OR56A3: variants seen among roughly 807,000 people sequenced by gnomAD.
OR56A3 encodes the protein olfactory receptor family 56 subfamily A member 3.
OR56A3 carries 23 observed loss-of-function variants against 17.5 expected under a neutral mutation model. The ratio of observed to expected loss-of-function variants is 1.32; its 90% CI spans 0.95 to 1.87. OR56A3 has a LOEUF of 1.87. Ranked by LOEUF, OR56A3 falls within the 40% of genes most tolerant of loss-of-function variation. OR56A3 has a pLI of 0.00. For synonymous variants in OR56A3, 175 were observed against 150.6 expected (o/e 1.16, Z -1.19); for missense variants, 366 against 380.1 (o/e 0.96, Z 0.31).
Position 5,947,974 on chromosome 11 carries a change from C to G in OR56A3, c.628C>G (p.Leu210Val), listed in dbSNP as rs1847883310. 1.2e-6 allele frequency: 2 copies of G among 1,614,218 alleles called. No homozygotes were observed. The highest frequency in any genetic ancestry group is 1.1e-5 in the South Asian group (1 of 91,088). The change falls in exon 3 of 3, where the codon CTG becomes GTG. Residue 210 changes from leucine (L) to valine (V), a missense_variant. Transcript: ENST00000641160. ...HLYQFAGGWT[L>V]LGSDLILIFL... ...TTACCAATTTGCTGGAGGCTGGACT[C>G]TGCTAGGATCTGACCTCATCCTTAT...
chr11:5,987,982 G>A, the OR56A3 span, among the ~76,000 whole-genome samples: 1 of 152,112 alleles, frequency 6.6e-6, no homozygotes, highest in African/African-American at 2.4e-5. Context: ...CATACTTTGA[G>A]ACTGGCATAA....
the OR56A3 span, chr11:6,021,075 C>T: frequency 6.6e-6 from 1 of 151,862 alleles, no homozygotes; most frequent in Non-Finnish European, 1.5e-5. Flanking sequence ...AAAAGAGTGG[C>T]ATGGAGAAAG....
the OR56A3 span, among the ~76,000 whole-genome samples, chr11:5,989,691 G>T: frequency 4.6e-5 from 7 of 152,270 alleles, no homozygotes; most frequent in South Asian, 1.5e-3. Context: ...ACACTATTCA[G>T]ATAATAGGTA....
chr11:6,015,215 G>A, the OR56A3 span, among the ~76,000 whole-genome samples: 15 of 152,138 alleles, frequency 9.9e-5, no homozygotes, highest in African/African-American at 3.1e-4. Flanking sequence ...AGGCATTTCA[G>A]AGACCTTCAC....
At chr11:5,967,630 C>G in the OR56A3 span, 1 of 1,613,870 alleles carries the variant, frequency 6.2e-7, no homozygotes, top group Non-Finnish European at 8.5e-7. Flanking sequence ...GGGTTCAGAG[C>G]TGGGGGAATA....
chr11:5,980,236 T>A, the OR56A3 span, among the ~76,000 whole-genome samples: 1 of 152,150 alleles, frequency 6.6e-6, no homozygotes, highest in African/African-American at 2.4e-5. Flanking sequence ...ATCCTGAAGA[T>A]CTTTGCTAGT....
the OR56A3 span, chr11:6,002,992 T>C: frequency 6.2e-6 from 10 of 1,614,154 alleles, no homozygotes; most frequent in Non-Finnish European, 7.6e-6. Context: ...GGAGATGCCA[T>C]GTAAAGTTTC....
At chr11:5,994,134 C>T in the OR56A3 span, 1 of 499,972 alleles carries the variant, frequency 2.0e-6, no homozygotes, top group Non-Finnish European at 3.9e-6. Context: ...GCTCCGACTC[C>T]AGGTGCAGCA....
At chr11:6,000,613 TA>T in the OR56A3 span, 5 of 151,504 alleles carry the variant, frequency 3.3e-5, no homozygotes, top group African/African-American at 4.9e-5. Flanking sequence ...TAAAACATAA[TA>T]AAAAAATAAA....
the OR56A3 span, among the ~76,000 whole-genome samples, chr11:5,980,744 C>G: frequency 6.6e-6 from 1 of 152,072 alleles, no homozygotes; most frequent in East Asian, 1.9e-4. Flanking sequence ...GTTATGTAGA[C>G]TTGATTGTGT....
chr11:6,001,895 A>G, the OR56A3 span: 1 of 646,158 alleles, frequency 1.5e-6, no homozygotes, highest in East Asian at 3.0e-5. Context: ...TCACAAATAA[A>G]TGTGTTCATT....
the OR56A3 span, among the ~76,000 whole-genome samples, chr11:6,016,694 A>G: frequency 2.0e-5 from 3 of 152,098 alleles, no homozygotes; most frequent in Non-Finnish European, 4.4e-5. Context: ...TGCCTGAAAA[A>G]GAATTTCAAA....
At chr11:6,003,165 C>T in the OR56A3 span, 1 of 1,508,626 alleles carries the variant, frequency 6.6e-7, no homozygotes, top group South Asian at 1.3e-5. Flanking sequence ...TTATATTTAA[C>T]CAAGTATGTA....
chr11:5,975,571 T>G, the OR56A3 span, among the ~76,000 whole-genome samples: 1 of 152,060 alleles, frequency 6.6e-6, no homozygotes, highest in Non-Finnish European at 1.5e-5. Context: ...TATTCCATGG[T>G]GTATATGTGC....
chr11:6,003,506 A>G, the OR56A3 span, among the ~76,000 whole-genome samples: 1 of 152,162 alleles, frequency 6.6e-6, no homozygotes, highest in Non-Finnish European at 1.5e-5. Context: ...TGGTTCCCAG[A>G]AGCTCAGGGA....
At chr11:5,974,106 ACT>A in the OR56A3 span, among the ~76,000 whole-genome samples, 1 of 117,246 alleles carries the variant, frequency 8.5e-6, no homozygotes, top group African/African-American at 3.4e-5. Flanking sequence ...TCTTTATTAA[ACT>A]CTTTTTTTTT....
chr11:5,969,330 T>C, the OR56A3 span, among the ~76,000 whole-genome samples: 1 of 152,248 alleles, frequency 6.6e-6, no homozygotes, highest in Non-Finnish European at 1.5e-5. Context: ...CCATATTTTC[T>C]ATTATTTTCA....
chr11:5,955,737 A>T (rs1317239006), downstream of OR56A3, among the ~76,000 whole-genome samples: 1 of 152,062 alleles, frequency 6.6e-6, no homozygotes, highest in Non-Finnish European at 1.5e-5. Flanking sequence ...TTGAAACATA[A>T]TTTTTCTCTT....
chr11:6,016,573 G>A, the OR56A3 span, among the ~76,000 whole-genome samples: 2,862 of 152,126 alleles, frequency 0.019, 189 homozygotes, highest in East Asian at 0.25. Flanking sequence ...CAAATGTGCA[G>A]ATACCAATGT....
Sources: allele counts gnomAD v4.1 joint callset (sites outside exome capture counted in the v4.1 genomes callset), GRCh38; gene constraint gnomAD v4.1.1; transcripts MANE v1.5; gene names NCBI Gene and HGNC (gene_info 2026-07-23, HGNC 2026-07-21).